The following AVPI1 variants were observed in gnomAD, a reference collection of about 807,000 sequenced individuals.
AVPI1 encodes the protein arginine vasopressin induced 1.
Under a neutral mutation model 11.9 loss-of-function variants are expected in AVPI1, and 9 were observed. The ratio of observed to expected loss-of-function variants is 0.76; its 90% CI spans 0.46 to 1.32. The LOEUF is 1.32. Among genes scored for constraint, AVPI1 ranks in the 40% most tolerant of loss-of-function variants. The pLI is 0.00. For synonymous variants in AVPI1, 68 were observed against 78.1 expected, an observed-to-expected ratio of 0.87 and a Z score of 0.68; for missense variants, 207 against 195.8, an observed-to-expected ratio of 1.06 and a Z score of -0.34.
At chr10:97,678,934 T>TTTTCAGAGACAG (rs1322395248) in intron 2 of AVPI1, among the ~76,000 whole-genome samples, 1 of 25,090 alleles carries the variant, frequency 4.0e-5, no homozygotes, top group African/African-American at 1.4e-4. Flanking sequence ...TGTGTGTGTG[T>TTTTCAGAGACAG]GTGTGTGTGT....
At chr10:97,680,465 T>G (rs1338069108) in intron 1 of AVPI1, among the ~76,000 whole-genome samples, 2 of 152,180 alleles carry the variant, frequency 1.3e-5, no homozygotes, top group Non-Finnish European at 2.9e-5. Context: ...CCCAGGCCTC[T>G]CTGATGCTAA....
intron 2 of AVPI1, among the ~76,000 whole-genome samples, chr10:97,678,845 G>A (rs1324160460): frequency 1.3e-5 from 2 of 150,626 alleles, no homozygotes; most frequent in African/African-American, 2.4e-5. Flanking sequence ...ATGCCACCAT[G>A]CCTGGCTAAT....
At chr10:97,681,899 A>G (rs2041706621) in intron 1 of AVPI1, among the ~76,000 whole-genome samples, 1 of 151,038 alleles carries the variant, frequency 6.6e-6, no homozygotes, top group African/African-American at 2.4e-5. Context: ...AAAAAGAAAA[A>G]AAAAAAAAAA....
intron 2 of AVPI1, among the ~76,000 whole-genome samples, chr10:97,679,055 C>T (rs1312604026): frequency 3.5e-5 from 5 of 141,914 alleles, no homozygotes; most frequent in Non-Finnish European, 7.7e-5. Flanking sequence ...AGAATAACGG[C>T]AGAATGAGGT....
At chr10:97,681,438 C>T (rs758211247) in intron 1 of AVPI1, among the ~76,000 whole-genome samples, 1 of 151,670 alleles carries the variant, frequency 6.6e-6, no homozygotes, top group Admixed American at 6.6e-5. Flanking sequence ...CAAAAGTAGC[C>T]GGGCGTGGTG....
intron 1 of AVPI1, among the ~76,000 whole-genome samples, chr10:97,683,108 T>C (rs1448473885): frequency 6.6e-6 from 1 of 152,204 alleles, no homozygotes; most frequent in African/African-American, 2.4e-5. Flanking sequence ...TGAGTACCAG[T>C]GGCTTAGCCG....
Position 97,679,857 on chromosome 10 carries a change from G to T in AVPI1, c.49C>A (p.Pro17Thr), listed in dbSNP as rs1251062574. 1.2e-6 allele frequency: 2 copies of T among 1,601,834 alleles called. No individual in the cohort carries two copies. The highest frequency in any genetic ancestry group is 1.7e-6 in the Non-Finnish European group (2 of 1,176,138). The change falls in exon 2 of 3, where the codon CCG becomes ACG. Residue 17 changes from proline (P) to threonine (T), a missense_variant. Physicochemically the swap from Pro to Thr is conservative, Grantham distance 38. Coordinates refer to ENST00000370626, the MANE Select transcript of AVPI1 (RefSeq NM_021732.3). The part of the protein sequence containing the change: ...VVSEPPPWQA[P>T]IEARGRKQAS... ...TGCTTGCGGCCCCGGGCCTCAATCG[G>T]GGCCTGCCAAGGGGGTGGCTCACTG...
At chr10:97,682,607 C>A (rs916176773) in intron 1 of AVPI1, among the ~76,000 whole-genome samples, 4 of 151,990 alleles carry the variant, frequency 2.6e-5, no homozygotes, top group Non-Finnish European at 4.4e-5. Context: ...TATGACTCCC[C>A]CCCTTGCCCT....
chr10:97,685,630 A>G (rs1473145639), intron 1 of AVPI1, among the ~76,000 whole-genome samples: 1 of 152,162 alleles, frequency 6.6e-6, no homozygotes, highest in African/African-American at 2.4e-5. Context: ...AACACTTGGG[A>G]CCCTGGCCTG....
At position 97,677,893 on chromosome 10, in the gene AVPI1, G is replaced by A; in HGVS notation, c.420C>T (p.Ser140=). The A allele has an allele frequency of 6.2e-7, 1 of 1,614,226 alleles. No individual in the cohort carries two copies. The highest frequency in any genetic ancestry group is 8.5e-7 in the Non-Finnish European group (1 of 1,180,040). The change falls in exon 3 of 3, where the codon AGC becomes AGT. Residue 140 remains serine (S), a synonymous_variant. Transcript: ENST00000370626. The part of the protein sequence containing the change: ...RRNWRKSGPT[S]YLHQIRH The stretch of plus-strand genomic sequence containing the variant: ...ATCAGTGTCTGATCTGGTGGAGGTA[G>A]CTTGTGGGGCCTGACTTCCTCCAGT...
intron 2 of AVPI1, among the ~76,000 whole-genome samples, chr10:97,678,880 GGTGTGTGTGT>G (rs1255604041): frequency 2.6e-5 from 3 of 113,446 alleles, no homozygotes; most frequent in East Asian, 2.8e-4. Context: ...GCGGGGGGAG[GGTGTGTGTGT>G]GTGTGTGTGT....
intron 1 of AVPI1, among the ~76,000 whole-genome samples, chr10:97,680,760 G>A (rs11189324): frequency 0.17 from 26,446 of 152,138 alleles, 2,484 homozygotes; most frequent in South Asian, 0.34. Flanking sequence ...AACCAAATCT[G>A]TATAATTTAG....
At chr10:97,678,289 A>G (rs969782569) in intron 2 of AVPI1, among the ~76,000 whole-genome samples, 1 of 152,200 alleles carries the variant, frequency 6.6e-6, no homozygotes, top group Non-Finnish European at 1.5e-5. Context: ...CAGATGTCAT[A>G]AGTCATGCTA....
At chr10:97,679,963 C>T (rs2041696111) in intron 1 of AVPI1, 48 bp from the exon 2 acceptor site, 1 of 1,467,450 alleles carries the variant, frequency 6.8e-7, no homozygotes, top group South Asian at 1.3e-5. Flanking sequence ...TGGTCCTTCC[C>T]AGACCTGGGG....
At chr10:97,685,181 A>G (rs1727768787) in intron 1 of AVPI1, among the ~76,000 whole-genome samples, 1 of 152,240 alleles carries the variant, frequency 6.6e-6, no homozygotes, top group Non-Finnish European at 1.5e-5. Flanking sequence ...GACCAATTGC[A>G]AAATACTTCA....
chr10:97,680,784 A>C (rs941964512), intron 1 of AVPI1, among the ~76,000 whole-genome samples: 5 of 152,220 alleles, frequency 3.3e-5, no homozygotes, highest in Non-Finnish European at 7.3e-5. Flanking sequence ...ACATAGTATG[A>C]AATGAGCCAA....
chr10:97,678,916 TGTGTGTGTGTGTGTGTGTGTGTGTG>T, intron 2 of AVPI1, among the ~76,000 whole-genome samples: 1 of 11,324 alleles, frequency 8.8e-5, no homozygotes, highest in East Asian at 1.9e-3. Flanking sequence ...TGTGTGTGTG[TGTGTGTGTGTGTGTGTGTGTGTGTG>T]TGTGTGTGTG....
At position 97,678,042 on chromosome 10, in the gene AVPI1, T is replaced by C. The variant is rs2041675927; in HGVS notation, c.288-17A>G. 1 of 1,607,910 alleles carries C rather than the reference T, an allele frequency of 6.2e-7. No individual in the cohort carries two copies. Among genetic ancestry groups the C allele is most frequent in the Admixed American group, 1.7e-5 (1 of 59,422 alleles). On this transcript the variant is annotated splice_polypyrimidine_tract_variant and intron_variant, in intron 2 of 2. Transcript: ENST00000370626. Reference sequence around the variant, plus strand: ...TCCAGGATTCTGCAGAGAACAAGTGTATGATTAGCCAACATCAATAGGAAG... The same window carrying C: ...TCCAGGATTCTGCAGAGAACAAGTGCATGATTAGCCAACATCAATAGGAAG...
chr10:97,678,944 T>TCA lies in AVPI1; in HGVS notation c.287+674_287+675insTG, dbSNP rs1564779863. On this transcript the variant is annotated intron_variant, in intron 2 of 2. Transcript: ENST00000370626. Reference sequence around the variant, plus strand: ...GTGTGTGTGTGTGTGTGTGTGTGTGTGTGTGTGTGTGTGTGTGTGTGTGTG... The same window carrying TCA: ...GTGTGTGTGTGTGTGTGTGTGTGTGTCAGTGTGTGTGTGTGTGTGTGTGTGTG... Among the ~76,000 whole-genome samples, 241 of 50,330 alleles carry TCA rather than the reference T, an allele frequency of 4.8e-3. 36 individuals are homozygous for TCA. The highest frequency in any genetic ancestry group is 0.026 in the Admixed American group (106 of 4,030). The allele number at this position is 50,330 out of a possible 152,430, so 33.0% of individuals were successfully genotyped here. A position where few individuals can be genotyped will look rare whatever the true frequency, so the allele number is the denominator to read the frequency against.
Sources: allele counts gnomAD v4.1 joint callset (sites outside exome capture counted in the v4.1 genomes callset), GRCh38; gene constraint gnomAD v4.1.1; transcripts MANE v1.5; gene names NCBI Gene and HGNC (gene_info 2026-07-23, HGNC 2026-07-21).